The following CAMKMT variants were observed in gnomAD, a reference collection of about 807,000 sequenced individuals.
The protein encoded by CAMKMT is CaM KMT.
A neutral mutation model predicts 48.0 loss-of-function variants in CAMKMT; 53 were observed. The observed-to-expected ratio is 1.10, with a 90% CI of 0.89 to 1.39. CAMKMT has a LOEUF of 1.39. Among genes scored for constraint, CAMKMT ranks in the 40% most tolerant of loss-of-function variants. The pLI is 0.00. For missense variants in CAMKMT, 428 were observed against 402.7 expected, an observed-to-expected ratio of 1.06 and a Z score of -0.54; for synonymous variants, 165 against 152.3, an observed-to-expected ratio of 1.08 and a Z score of -0.61.
chr2:44,533,957 A>G (rs1322864464), intron 3 of CAMKMT, among the ~76,000 whole-genome samples: 1 of 152,212 alleles, frequency 6.6e-6, no homozygotes, highest in Non-Finnish European at 1.5e-5. Context: ...ACAAAACATT[A>G]CCTAACTATA....
chr2:44,510,155 A>C (rs1354015443), intron 3 of CAMKMT, among the ~76,000 whole-genome samples: 1 of 152,206 alleles, frequency 6.6e-6, no homozygotes, highest in Non-Finnish European at 1.5e-5. Context: ...TTTTTCTATT[A>C]ATATCCTTTT....
intron 6 of CAMKMT, among the ~76,000 whole-genome samples, chr2:44,707,808 G>T (rs1319065219): frequency 1.3e-5 from 2 of 152,066 alleles, no homozygotes; most frequent in South Asian, 2.1e-4. Context: ...GGTATTTATT[G>T]TATTTGGATA....
intron 7 of CAMKMT, among the ~76,000 whole-genome samples, chr2:44,739,949 G>C (rs1334060249): frequency 6.6e-6 from 1 of 152,116 alleles, no homozygotes; most frequent in East Asian, 1.9e-4. Flanking sequence ...GCACGTCCTA[G>C]AATAGATCAA....
intron 3 of CAMKMT, among the ~76,000 whole-genome samples, chr2:44,400,331 G>A (rs1682247357): frequency 6.6e-6 from 1 of 151,748 alleles, no homozygotes; most frequent in Non-Finnish European, 1.5e-5. Flanking sequence ...TAAAAATGTC[G>A]ATTTTTCAGT....
intron 6 of CAMKMT, among the ~76,000 whole-genome samples, chr2:44,710,863 C>G (rs1677842082): frequency 6.6e-6 from 1 of 152,164 alleles, no homozygotes; most frequent in Non-Finnish European, 1.5e-5. Flanking sequence ...AAGCACCCTG[C>G]CTTAGTAAAC....
chr2:44,742,933 A>ATG (rs1203540686), intron 7 of CAMKMT, among the ~76,000 whole-genome samples: 1 of 152,242 alleles, frequency 6.6e-6, no homozygotes, highest in Non-Finnish European at 1.5e-5. Flanking sequence ...AAAATACTTG[A>ATG]ATATGGTAAA....
At chr2:44,685,125 A>G (rs1415026383) in intron 3 of CAMKMT, among the ~76,000 whole-genome samples, 1 of 152,166 alleles carries the variant, frequency 6.6e-6, no homozygotes, top group Non-Finnish European at 1.5e-5. Flanking sequence ...TTCAAAGACA[A>G]CATAAAGAAA....
intron 3 of CAMKMT, among the ~76,000 whole-genome samples, chr2:44,574,922 G>A (rs987036632): frequency 2.0e-5 from 3 of 151,168 alleles, no homozygotes; most frequent in African/African-American, 4.9e-5. Flanking sequence ...CTATTTTTTC[G>A]TTTTTGTATT....
chr2:44,741,742 C>T (rs942281254), intron 7 of CAMKMT, among the ~76,000 whole-genome samples: 1 of 152,160 alleles, frequency 6.6e-6, no homozygotes, highest in Non-Finnish European at 1.5e-5. Context: ...AGAGTCATGA[C>T]TCATTACAGC....
intron 3 of CAMKMT, among the ~76,000 whole-genome samples, chr2:44,701,151 T>C (rs902309701): frequency 1.3e-5 from 2 of 152,198 alleles, no homozygotes; most frequent in Non-Finnish European, 2.9e-5. Flanking sequence ...TGGGTAGCAG[T>C]GGAATTGCTG....
At chr2:44,631,217 A>T (rs1055314402) in intron 3 of CAMKMT, among the ~76,000 whole-genome samples, 3 of 152,122 alleles carry the variant, frequency 2.0e-5, no homozygotes, top group East Asian at 1.9e-4. Flanking sequence ...TGGACACAGG[A>T]AGGGGAACAT....
chr2:44,700,860 TG>T (rs1209861356), intron 3 of CAMKMT, among the ~76,000 whole-genome samples: 1 of 152,176 alleles, frequency 6.6e-6, no homozygotes, highest in African/African-American at 2.4e-5. Context: ...ACCTTCAATT[TG>T]TAAAACTGTA....
intron 3 of CAMKMT, among the ~76,000 whole-genome samples, chr2:44,697,688 CT>C (rs1677029513): frequency 6.6e-6 from 1 of 151,900 alleles, no homozygotes; most frequent in African/African-American, 2.4e-5. Context: ...AACATTATAA[CT>C]ATTATTGTAA....
chr2:44,433,419 T>A (rs1324291612), intron 3 of CAMKMT, among the ~76,000 whole-genome samples: 2 of 152,132 alleles, frequency 1.3e-5, no homozygotes, highest in African/African-American at 4.8e-5. Flanking sequence ...AAATCCAAGT[T>A]GTCAATGATA....
At chr2:44,599,416 C>T (rs1670854584) in intron 3 of CAMKMT, among the ~76,000 whole-genome samples, 1 of 152,092 alleles carries the variant, frequency 6.6e-6, no homozygotes, top group Non-Finnish European at 1.5e-5. Flanking sequence ...AGCTACTGCA[C>T]TGGTTACAGC....
At chr2:44,471,586 C>T (rs1008531094) in intron 3 of CAMKMT, among the ~76,000 whole-genome samples, 19 of 151,906 alleles carry the variant, frequency 1.3e-4, no homozygotes, top group African/African-American at 4.6e-4. Context: ...AGTAACAGAG[C>T]AAGACCCTGT....
In CAMKMT at chr2:44,471,281, G is replaced by A. The variant is rs144227029; in HGVS notation, c.376+80976G>A. On this transcript the variant is annotated intron_variant, in intron 3 of 10. Transcript: ENST00000378494. ...GCTGGCATTACAGGGGTGAGCCACC[G>A]CGCCCGGCTCTAATGTTTCTTCTCT... is the stretch of plus-strand genomic sequence containing the variant. Among the ~76,000 whole-genome samples the A allele has an allele frequency of 7.5e-3, 1,138 of 151,964 alleles. 3 individuals are homozygous for A. Among genetic ancestry groups the A allele is most frequent in the Non-Finnish European group, 0.012 (790 of 67,942 alleles).
intron 3 of CAMKMT, among the ~76,000 whole-genome samples, chr2:44,412,970 G>A (rs1021189434): frequency 6.6e-6 from 1 of 151,858 alleles, no homozygotes; most frequent in Non-Finnish European, 1.5e-5. Context: ...CAGCTATTAG[G>A]GGGGCGGAGG....
intron 3 of CAMKMT, among the ~76,000 whole-genome samples, chr2:44,556,162 G>A (rs1667992913): frequency 6.6e-6 from 1 of 151,842 alleles, no homozygotes; most frequent in South Asian, 2.1e-4. Flanking sequence ...ATTTTGAGAT[G>A]GAGTCTTGCT....
Sources: gnomAD v4.1 joint callset for allele counts (sites outside exome capture counted in the v4.1 genomes callset) on GRCh38, gnomAD v4.1.1 for gene constraint, MANE v1.5 for transcripts, NCBI Gene and HGNC (gene_info 2026-07-23, HGNC 2026-07-21) for gene names.